TGFBI: variants seen among roughly 807,000 people sequenced by gnomAD.
The protein encoded by TGFBI is transforming growth factor-beta-induced protein ig-h3.
In TGFBI, 50 loss-of-function variants were observed where a neutral mutation model predicts 73.7. The observed-to-expected ratio is 0.68, with a 90% CI of 0.54 to 0.86. The LOEUF (loss-of-function observed/expected upper bound fraction) is 0.86, where lower values mean the gene tolerates loss of function less well. Ranked by LOEUF, TGFBI falls within the 40% of genes least tolerant of loss-of-function variation. TGFBI has a pLI of 0.00. For missense variants in TGFBI, 839 were observed against 877.0 expected (o/e 0.96, Z 0.55); for synonymous variants, 362 against 360.5 (o/e 1.00, Z -0.05).
intron 14 of TGFBI, 44 bp downstream of exon 14, chr5:136,060,980 T>C (rs6880837): frequency 0.52 from 727,506 of 1,402,796 alleles, 191,423 homozygotes; most frequent in African/African-American, 0.72. Context: ...GTCCTTTTCT[T>C]CATGTGGCAG....
chr5:136,060,386 C>A (rs997179490), intron 13 of TGFBI, among the ~76,000 whole-genome samples: 1 of 152,178 alleles, frequency 6.6e-6, no homozygotes, highest in African/African-American at 2.4e-5. Flanking sequence ...ACCAGAGTAT[C>A]CCCAGTCTAA....
intron 2 of TGFBI, among the ~76,000 whole-genome samples, chr5:136,039,034 T>C (rs912563293): frequency 1.3e-5 from 2 of 152,248 alleles, no homozygotes; most frequent in Non-Finnish European, 2.9e-5. Context: ...TGTTGACTTA[T>C]AGATGCATTT....
At chr5:136,036,960 G>A (rs961288483) in intron 2 of TGFBI, among the ~76,000 whole-genome samples, 5 of 152,154 alleles carry the variant, frequency 3.3e-5, no homozygotes, top group Non-Finnish European at 1.5e-5. Context: ...CGGGTACCAA[G>A]CATACAGGGG....
chr5:136,041,701 CT>C (rs1751342461), intron 2 of TGFBI, among the ~76,000 whole-genome samples: 1 of 152,298 alleles, frequency 6.6e-6, no homozygotes, highest in Admixed American at 6.5e-5. Context: ...CTGCTTAGAT[CT>C]ATCCCTTCCT....
chr5:136,047,170 C>T, intron 5 of TGFBI, 104 bp from the exon 6 acceptor site: 1 of 1,546,402 alleles, frequency 6.5e-7, no homozygotes, highest in East Asian at 2.3e-5. Flanking sequence ...CTTGTGGAAC[C>T]CACATTTTGC....
intron 2 of TGFBI, among the ~76,000 whole-genome samples, chr5:136,043,591 G>A (rs779327791): frequency 6.6e-6 from 1 of 152,170 alleles, no homozygotes; most frequent in African/African-American, 2.4e-5. Context: ...TTTTACAGAT[G>A]AGGAAACTGA....
rs948219289 is a variant in TGFBI, at chr5:136,063,344, C to T, written c.*118C>T. 32 of 902,518 alleles carry T rather than the reference C, an allele frequency of 3.5e-5. No homozygotes were observed. Among genetic ancestry groups the T allele is most frequent in the East Asian group, 1.8e-4 (7 of 38,258 alleles). 55.9% of individuals were successfully genotyped at this position (902,518 alleles called of 1,614,324 possible). A position where few individuals can be genotyped will look rare whatever the true frequency, so the allele number is the denominator to read the frequency against. ...GTATCACACTTTAATGTACATGGGC[C>T]GCACCATAATGAGATGTGAGCCTTG... On this transcript the variant is annotated 3_prime_UTR_variant, in exon 17 of 17. Coordinates refer to ENST00000442011, the MANE Select transcript of TGFBI (RefSeq NM_000358.3).
At chr5:136,037,894 C>G (rs577199221) in intron 2 of TGFBI, among the ~76,000 whole-genome samples, 2 of 152,246 alleles carry the variant, frequency 1.3e-5, no homozygotes, top group East Asian at 3.9e-4. Context: ...GGACAGCTGA[C>G]GTGAAGGTGA....
At chr5:136,036,047 G>A (rs1201396454) in intron 2 of TGFBI, among the ~76,000 whole-genome samples, 2 of 152,160 alleles carry the variant, frequency 1.3e-5, no homozygotes, top group African/African-American at 4.8e-5. Flanking sequence ...CTGTATCTTT[G>A]TGTGCCAGGA....
At chr5:136,042,544 C>T (rs1172473155) in intron 2 of TGFBI, among the ~76,000 whole-genome samples, 1 of 151,962 alleles carries the variant, frequency 6.6e-6, no homozygotes, top group Non-Finnish European at 1.5e-5. Context: ...GTGAGTCAAT[C>T]AAGATGAGTC....
chr5:136,055,877 G>C, intron 11 of TGFBI, 61 bp downstream of exon 11: 5 of 1,515,066 alleles, frequency 3.3e-6, no homozygotes, highest in Non-Finnish European at 4.5e-6. Context: ...GTGGGATGTG[G>C]GGCCCCAGCT....
In TGFBI at chr5:136,054,789, T is replaced by A. The variant is rs1202865471; in HGVS notation, c.1338T>A (p.Ser446=). 1 of 1,613,880 alleles carries A rather than the reference T, an allele frequency of 6.2e-7. No homozygotes were observed. The change falls in exon 10 of 17, where the codon TCT becomes TCA. Residue 446 remains serine (S), a synonymous_variant. Transcript: ENST00000442011. ...ACATAATTAAAGACCAGCTGGCCTCTAAGTATCTGTACCATGGACAGACCC... is the reference window on the plus strand; with the variant it reads ...ACATAATTAAAGACCAGCTGGCCTCAAAGTATCTGTACCATGGACAGACCC... The part of the protein sequence containing the change: ...RNHIIKDQLA[S]KYLYHGQTLE...
intron 1 of TGFBI, among the ~76,000 whole-genome samples, chr5:136,032,619 C>G (rs1751141558): frequency 6.6e-6 from 1 of 152,162 alleles, no homozygotes; most frequent in Non-Finnish European, 1.5e-5. Flanking sequence ...CTGAAGTTCT[C>G]TGAGCTTGGA....
intron 2 of TGFBI, among the ~76,000 whole-genome samples, chr5:136,040,190 G>A (rs1478102866): frequency 1.3e-5 from 2 of 152,176 alleles, no homozygotes; most frequent in African/African-American, 2.4e-5. Flanking sequence ...ATGTTAGAAG[G>A]GACTGGTGGA....
In TGFBI at chr5:136,063,392, G is replaced by T; in HGVS notation, c.*166G>T. 1 of 642,986 alleles carries T rather than the reference G, an allele frequency of 1.6e-6. No homozygotes were observed. The highest frequency in any genetic ancestry group is 2.7e-6 in the Non-Finnish European group (1 of 366,336). The allele number at this position is 642,986 out of a possible 1,614,324, so 39.8% of individuals were successfully genotyped here. On this transcript the variant is annotated 3_prime_UTR_variant, in exon 17 of 17. Transcript: ENST00000442011. ...TTGTGCATGTGGGGGAGGAGGGAGA[G>T]AGATGTACTTTTTAAATCATGTTCC... is the stretch of plus-strand genomic sequence containing the variant.
chr5:136,032,727 CCCTCTCCTGACTGACCACG>C (rs1376743532), intron 1 of TGFBI, among the ~76,000 whole-genome samples: 4 of 152,122 alleles, frequency 2.6e-5, no homozygotes, highest in Admixed American at 2.0e-4. Context: ...GGAAGATCAA[CCCTCTCCTGACTGACCACG>C]CCTCTCCTGA....
At chr5:136,054,203 A>T (rs971694624) in intron 9 of TGFBI, 123 bp downstream of exon 9, 3 of 1,347,956 alleles carry the variant, frequency 2.2e-6, no homozygotes, top group Non-Finnish European at 3.0e-6. Flanking sequence ...ACTCAGCTCA[A>T]CCAAAAGCAG....
In TGFBI at chr5:136,056,697, T is replaced by C; in HGVS notation, c.1580T>C (p.Leu527Pro). Residue 527 changes from leucine (L) to proline (P), a missense_variant, in exon 12 of 17, where the codon CTG (leucine) becomes CCG (proline). Leu to Pro is a moderately conservative substitution (Grantham distance 98). Coordinates refer to ENST00000442011, the MANE Select transcript of TGFBI (RefSeq NM_000358.3). ...GTAGCTGCCATCCAGTCTGCAGGACTGACGGAGACCCTCAACCGGGAAGGA... is the reference window on the plus strand; with the variant it reads ...GTAGCTGCCATCCAGTCTGCAGGACCGACGGAGACCCTCAACCGGGAAGGA... The part of the protein sequence containing the change: ...MLVAAIQSAG[L>P]TETLNREGVY... 1 of 1,614,010 alleles carries C rather than the reference T, an allele frequency of 6.2e-7. No homozygotes were observed. Among genetic ancestry groups the C allele is most frequent in the East Asian group, 2.2e-5 (1 of 44,884 alleles).
Position 136,060,872 on chromosome 5 carries a change from C to A in TGFBI, c.1842C>A (p.Ala614=). Reference sequence around the variant, plus strand: ...TGAGTGTCAACAAGGAGCCTGTTGCCGAGCCTGACATCATGGCCACAAATG... The same window carrying A: ...TGAGTGTCAACAAGGAGCCTGTTGCAGAGCCTGACATCATGGCCACAAATG... ...NVVSVNKEPV[A]EPDIMATNGV... Residue 614 remains alanine (A), a synonymous_variant, in exon 14 of 17, where the codon GCC becomes GCA. Coordinates refer to ENST00000442011, the MANE Select transcript of TGFBI (RefSeq NM_000358.3). 1.2e-6 allele frequency: 2 copies of A among 1,601,500 alleles called. No homozygotes were observed. Among genetic ancestry groups the A allele is most frequent in the Non-Finnish European group, 8.5e-7 (1 of 1,170,992 alleles).
Sources: allele counts gnomAD v4.1 joint callset (sites outside exome capture counted in the v4.1 genomes callset), GRCh38; gene constraint gnomAD v4.1.1; transcripts MANE v1.5; gene names NCBI Gene and HGNC (gene_info 2026-07-23, HGNC 2026-07-21).